The following ALMS1 variants were observed in gnomAD, a reference collection of about 807,000 sequenced individuals.
ALMS1 encodes the protein centrosome-associated protein ALMS1.
In ALMS1, 271 loss-of-function variants were observed where a neutral mutation model predicts 352.2. The ratio of observed to expected loss-of-function variants is 0.77; its 90% CI spans 0.70 to 0.85. The LOEUF (loss-of-function observed/expected upper bound fraction) is 0.85. Among genes scored for constraint, ALMS1 ranks in the 40% least tolerant of loss-of-function variants. ALMS1 has a pLI of 0.00. For synonymous variants in ALMS1, 1,865 were observed against 1,761.2 expected, an observed-to-expected ratio of 1.06 and a Z score of -1.48; for missense variants, 5,445 against 4,870.7, an observed-to-expected ratio of 1.12 and a Z score of -3.51.
chr2:73,458,497 T>C (rs891131512), intron 9 of ALMS1: 3 of 152,060 alleles, frequency 2.0e-5, no homozygotes, highest in Admixed American at 6.5e-5. Flanking sequence ...TGAGCTTACA[T>C]TAAGGAAGAG....
At chr2:73,488,540 G>T (rs1268415741) in intron 9 of ALMS1, among the ~76,000 whole-genome samples, 1 of 152,126 alleles carries the variant, frequency 6.6e-6, no homozygotes, top group Non-Finnish European at 1.5e-5. Flanking sequence ...GGAGGGTGGG[G>T]TTCCTGCCCC....
chr2:73,529,452 G>T (rs13401976), intron 11 of ALMS1, among the ~76,000 whole-genome samples: 1 of 152,200 alleles, frequency 6.6e-6, no homozygotes, highest in Non-Finnish European at 1.5e-5. Context: ...TGTTTTCATA[G>T]ATGGTCTAGA....
At chr2:73,522,229 TG>T (rs1400993471) in intron 11 of ALMS1, among the ~76,000 whole-genome samples, 1 of 152,206 alleles carries the variant, frequency 6.6e-6, no homozygotes, top group African/African-American at 2.4e-5. Flanking sequence ...ATTGTAATTT[TG>T]TCCAATCGTT....
At chr2:73,515,977 C>T (rs1026902311) in intron 10 of ALMS1, among the ~76,000 whole-genome samples, 6 of 152,178 alleles carry the variant, frequency 3.9e-5, no homozygotes, top group Middle Eastern at 3.4e-3. Context: ...AACTTCTTCA[C>T]GACAAAAGAA....
chr2:73,468,085 A>G (rs1369741764), intron 9 of ALMS1, among the ~76,000 whole-genome samples: 1 of 151,998 alleles, frequency 6.6e-6, no homozygotes, highest in East Asian at 1.9e-4. Context: ...GATTTATTAT[A>G]TATTAATTAA....
intron 22 of ALMS1, 137 bp downstream of exon 22, chr2:73,608,711 G>C (rs1675873522): frequency 1.3e-6 from 1 of 742,266 alleles, no homozygotes; most frequent in African/African-American, 1.7e-5. Context: ...CACTGGACCA[G>C]TGTTGAAATT....
rs1272149718 is a variant in ALMS1, at chr2:73,603,110, A to G, written c.12299-131A>G. The stretch of plus-strand genomic sequence containing the variant: ...AGTCTTACACTGGCTTGCCTTGGTC[A>G]TTGCTCCCCACTCAGTCTTGCCAGC... On this transcript the variant is annotated intron_variant, in intron 20 of 22. Transcript: ENST00000613296. The G allele has an allele frequency of 9.8e-6, 8 of 815,012 alleles. No individual in the cohort carries two copies. The East Asian group carries it at 1.1e-4, about 11-fold the overall frequency. 50.5% of individuals were successfully genotyped at this position (815,012 alleles called of 1,614,324 possible).
Position 73,557,250 on chromosome 2 carries a change from A to T in ALMS1, c.10109A>T (p.Asp3370Val), listed in dbSNP as rs1488746061. 1 of 1,614,034 alleles carries T rather than the reference A, an allele frequency of 6.2e-7. No homozygotes were observed. Among genetic ancestry groups the T allele is most frequent in the Non-Finnish European group, 8.5e-7 (1 of 1,180,026 alleles). The part of the protein sequence containing the change: ...DASVQVLITG[D>V]ENLSDKKQQE... ...TCAGTTCAAGTGCTAATCACTGGGG[A>T]TGAGAACCTCTCAGACAAAAAACAG... Residue 3370 changes from aspartate to valine, a missense_variant, in exon 14 of 23, where the codon GAT becomes GTT. Asp to Val is a radical substitution (Grantham distance 152, BLOSUM62 -3). Transcript: ENST00000613296.
rs962844498 is a variant in ALMS1 at position 73,451,748 on chromosome 2, G to C, written c.5221G>C (p.Val1741Leu). Reference sequence around the variant, plus strand: ...TCAAGAAGCTCTGAAAGTTTCAGCTGTTCCTCAACCAGCTGACCAGAAGAC... The same window carrying C: ...TCAAGAAGCTCTGAAAGTTTCAGCTCTTCCTCAACCAGCTGACCAGAAGAC... ...LTQEALKVSA[V>L]PQPADQKTGL... Residue 1741 changes from valine (V) to leucine (L), a missense_variant, in exon 8 of 23, where the codon GTT (valine) becomes CTT (leucine). Val to Leu is a conservative substitution (Grantham distance 32). Coordinates refer to ENST00000613296, the MANE Select transcript of ALMS1 (RefSeq NM_001378454.1). 5.0e-6 allele frequency: 8 copies of C among 1,614,104 alleles called. No individual in the cohort carries two copies. Among genetic ancestry groups the C allele is most frequent in the East Asian group, 2.2e-5 (1 of 44,882 alleles).
At chr2:73,401,844 C>T (rs1415674876) in intron 1 of ALMS1, among the ~76,000 whole-genome samples, 1 of 152,130 alleles carries the variant, frequency 6.6e-6, no homozygotes, top group Non-Finnish European at 1.5e-5. Context: ...TCCCCATTTC[C>T]TCCCCTGTTC....
At chr2:73,482,207 T>C (rs1672723486) in intron 9 of ALMS1, among the ~76,000 whole-genome samples, 1 of 152,224 alleles carries the variant, frequency 6.6e-6, no homozygotes, top group African/African-American at 2.4e-5. Flanking sequence ...TGATATTGGC[T>C]GTGGGTTTGT....
chr2:73,515,716 A>G lies in ALMS1; in HGVS notation c.9540-4059A>G, dbSNP rs915911694. Among the ~76,000 whole-genome samples the G allele has an allele frequency of 4.0e-5, 6 of 151,850 alleles. No individual in the cohort carries two copies. The South Asian group carries it at 8.3e-4, about 21-fold the overall frequency. On this transcript the variant is annotated intron_variant, in intron 10 of 22. Coordinates refer to ENST00000613296, the MANE Select transcript of ALMS1 (RefSeq NM_001378454.1). Reference sequence around the variant, plus strand: ...ATTGTTAAAGAAAAAAGAAGACAAAATAAGTACAATCAGAAATGACAAAGG... The same window carrying G: ...ATTGTTAAAGAAAAAAGAAGACAAAGTAAGTACAATCAGAAATGACAAAGG...
chr2:73,439,756 G>T lies in ALMS1; in HGVS notation c.1432+7465G>T, dbSNP rs973629493. Among the ~76,000 whole-genome samples, 3 of 152,148 alleles carry T rather than the reference G, an allele frequency of 2.0e-5. 1 individual carries two copies. The highest frequency in any genetic ancestry group is 1.5e-5 in the Non-Finnish European group (1 of 67,998). The stretch of plus-strand genomic sequence containing the variant: ...GGGTGTCACCATGTTGGCCAGGATG[G>T]TCTGCATCTCTTGACCTTGTGATCC... On this transcript the variant is annotated intron_variant, in intron 7 of 22. Coordinates refer to ENST00000613296, the MANE Select transcript of ALMS1 (RefSeq NM_001378454.1).
chr2:73,446,137 A>G (rs374564560), intron 7 of ALMS1, among the ~76,000 whole-genome samples: 5 of 152,236 alleles, frequency 3.3e-5, no homozygotes, highest in African/African-American at 9.6e-5. Context: ...AGCTTAACCT[A>G]TAGTCGTTCT....
At chr2:73,544,477 G>A (rs1674267535) in intron 12 of ALMS1, among the ~76,000 whole-genome samples, 1 of 151,986 alleles carries the variant, frequency 6.6e-6, no homozygotes, top group Non-Finnish European at 1.5e-5. Flanking sequence ...TAACAAACCT[G>A]CACGTTGTCA....
chr2:73,427,768 T>C (rs926874461), intron 6 of ALMS1, among the ~76,000 whole-genome samples: 3 of 152,188 alleles, frequency 2.0e-5, no homozygotes, highest in African/African-American at 4.8e-5. Context: ...GTTGAATGAA[T>C]ATCCTCTTTT....
chr2:73,397,094 G>GT (rs968561694), intron 1 of ALMS1, among the ~76,000 whole-genome samples: 79 of 152,338 alleles, frequency 5.2e-4, no homozygotes, highest in African/African-American at 1.9e-3. Context: ...CATGCTAGGG[G>GT]TTGTGGAGAT....
intron 16 of ALMS1, among the ~76,000 whole-genome samples, chr2:73,587,353 C>G (rs1033007535): frequency 6.6e-6 from 1 of 152,072 alleles, no homozygotes; most frequent in African/African-American, 2.4e-5. Flanking sequence ...TTGTCTTGTT[C>G]CAGTTCTCAG....
At chr2:73,547,079 A>G (rs900604653) in intron 12 of ALMS1, among the ~76,000 whole-genome samples, 1 of 152,232 alleles carries the variant, frequency 6.6e-6, no homozygotes. Context: ...TTAATAAACT[A>G]TATGAACTAT....
Sources: allele counts gnomAD v4.1 joint callset (sites outside exome capture counted in the v4.1 genomes callset), GRCh38; gene constraint gnomAD v4.1.1; transcripts MANE v1.5; gene names NCBI Gene and HGNC (gene_info 2026-07-23, HGNC 2026-07-21).